The following SYNJ2 variants were observed in gnomAD, a reference collection of about 807,000 sequenced individuals.
The protein encoded by SYNJ2 is polyphosphatidylinositol phosphatase SYNJ2.
A neutral mutation model predicts 141.3 loss-of-function variants in SYNJ2; 116 were observed. The ratio of observed to expected loss-of-function variants is 0.82; its 90% CI spans 0.71 to 0.96. The LOEUF (loss-of-function observed/expected upper bound fraction) is 0.96. SYNJ2 is among the 40% of genes least tolerant of loss of function. The probability of loss-of-function intolerance (pLI) is 0.00; values close to 1 mark genes in which losing one functional copy is unlikely to be tolerated. For synonymous variants in SYNJ2, 745 were observed against 777.7 expected, an observed-to-expected ratio of 0.96 and a Z score of 0.70; for missense variants, 1,873 against 1,934.8, an observed-to-expected ratio of 0.97 and a Z score of 0.60.
intron 2 of SYNJ2, among the ~76,000 whole-genome samples, chr6:158,022,312 G>C (rs1778820042): frequency 6.6e-6 from 1 of 152,216 alleles, no homozygotes; most frequent in Non-Finnish European, 1.5e-5. Flanking sequence ...TCAGAGCTGA[G>C]ACAACACAAG....
At chr6:158,088,033 AATTTTTTTTTTTTTTTTTTTTTTTTTT>A (rs1783185674) in intron 23 of SYNJ2, among the ~76,000 whole-genome samples, 5 of 36,816 alleles carry the variant, frequency 1.4e-4, no homozygotes, top group Admixed American at 1.1e-3. Flanking sequence ...CCTGCTTTGG[AATTTTTTTTTTTTTTTTTTTTTTTTTT>A]TTTTTTTTTT....
At chr6:157,985,204 A>G (rs1027862485) in intron 1 of SYNJ2, among the ~76,000 whole-genome samples, 12 of 152,366 alleles carry the variant, frequency 7.9e-5, no homozygotes, top group Non-Finnish European at 1.3e-4. Flanking sequence ...CGGATGGTCC[A>G]TGATTCGTTG....
chr6:158,024,985 A>G (rs1205915781), intron 2 of SYNJ2, among the ~76,000 whole-genome samples: 1 of 152,226 alleles, frequency 6.6e-6, no homozygotes, highest in Admixed American at 6.5e-5. Flanking sequence ...CTTCAATGGC[A>G]GTTTTAAAAT....
At chr6:158,026,045 A>T (rs1301553836) in intron 2 of SYNJ2, among the ~76,000 whole-genome samples, 1 of 152,142 alleles carries the variant, frequency 6.6e-6, no homozygotes, top group African/African-American at 2.4e-5. Flanking sequence ...CCGATTGGAA[A>T]CTGCCGGACT....
chr6:158,061,117 C>T (rs1342911325), intron 7 of SYNJ2, among the ~76,000 whole-genome samples: 1 of 152,238 alleles, frequency 6.6e-6, no homozygotes, highest in Admixed American at 6.5e-5. Context: ...TTGATTTACA[C>T]TCAGACCTAT....
rs963370247 is a variant in SYNJ2, at chr6:158,017,202, A to G, written c.128-2A>G. On this transcript the variant is annotated splice_acceptor_variant, in intron 1 of 26. Coordinates refer to ENST00000355585, the MANE Select transcript of SYNJ2 (RefSeq NM_003898.4). LOFTEE classifies it high-confidence loss of function. ...GCCTTCTGTGATGTGTTTCTTCCCCAGCTCCAGAAGAAAAGGAAGTCATTA... is the reference window on the plus strand; with the variant it reads ...GCCTTCTGTGATGTGTTTCTTCCCCGGCTCCAGAAGAAAAGGAAGTCATTA... 19 of 1,612,950 alleles carry G rather than the reference A, an allele frequency of 1.2e-5. No individual in the cohort carries two copies. The highest frequency in any genetic ancestry group is 1.6e-5 in the Non-Finnish European group (19 of 1,179,578).
chr6:158,073,229 A>G (rs9356347), intron 15 of SYNJ2, among the ~76,000 whole-genome samples: 108,030 of 151,926 alleles, frequency 0.71, 38,669 homozygotes, highest in East Asian at 0.88. Flanking sequence ...AGACAGTCTC[A>G]CTCTGCCACC....
At chr6:158,038,005 G>A (rs1779732493) in intron 4 of SYNJ2, among the ~76,000 whole-genome samples, 1 of 152,246 alleles carries the variant, frequency 6.6e-6, no homozygotes, top group African/African-American at 2.4e-5. Context: ...TGTCTCCTGT[G>A]TTGCCAGCCT....
chr6:158,076,751 G>A lies in SYNJ2; in HGVS notation c.2418G>A (p.Trp806Ter), dbSNP rs1782320865. Residue 806 changes from tryptophan (W) to a stop codon, truncating the protein, a stop_gained, in exon 17 of 27, where the codon TGG (tryptophan) becomes TGA (stop). Coordinates refer to ENST00000355585, the MANE Select transcript of SYNJ2 (RefSeq NM_003898.4). LOFTEE classifies it high-confidence loss of function. ...RTPAWTDRVL[W>*]WRKKHPFDKT... ...CCGCCTGGACAGACAGGGTGCTGTG[G>A]TGGAGGAAGAAACATCCCTTTGATA... The A allele has an allele frequency of 6.2e-7, 1 of 1,613,654 alleles. No individual in the cohort carries two copies. The highest frequency in any genetic ancestry group is 1.3e-5 in the African/African-American group (1 of 74,898).
At chr6:158,016,968 C>A in intron 1 of SYNJ2, 1 of 1,215,742 alleles carries the variant, frequency 8.2e-7, no homozygotes. Context: ...CCTCCAGCCC[C>A]CAGGAAGCTG....
chr6:158,077,909 A>G lies in SYNJ2; in HGVS notation c.2450-255A>G, dbSNP rs1583479176. The G allele has an allele frequency of 1.5e-5, 4 of 272,762 alleles. No individual in the cohort carries two copies. In the South Asian group the frequency reaches 1.5e-4, roughly 10 times the overall value. 16.9% of individuals were successfully genotyped at this position (272,762 alleles called of 1,614,324 possible). A position where few individuals can be genotyped will look rare whatever the true frequency, so the allele number is the denominator to read the frequency against. ...AAACCCGGCAGCAACACTGTGTCTC[A>G]AGCCTACAGTGGGCATGCTGGCGAG... is the stretch of plus-strand genomic sequence containing the variant. On this transcript the variant is annotated intron_variant, in intron 17 of 26. Transcript: ENST00000355585.
rs1253181362 is a variant in SYNJ2, at chr6:158,070,780, G to A, written c.1941-822G>A. Among the ~76,000 whole-genome samples, 1 of 152,196 alleles carries A rather than the reference G, an allele frequency of 6.6e-6. No individual in the cohort carries two copies. Among genetic ancestry groups the A allele is most frequent in the South Asian group, 2.1e-4 (1 of 4,830 alleles). ...AGCCCATGTTTCTATGGACTCGTATGCGTCATAAGTGGGCATTTGAATGCA... is the reference window on the plus strand; with the variant it reads ...AGCCCATGTTTCTATGGACTCGTATACGTCATAAGTGGGCATTTGAATGCA... On this transcript the variant is annotated intron_variant, in intron 14 of 26. Transcript: ENST00000355585. The surrounding 1 kb of genome is among the most constrained non-coding windows in gnomAD (Gnocchi z 4.0).
chr6:158,041,368 G>C (rs934592117), intron 4 of SYNJ2, among the ~76,000 whole-genome samples: 1 of 152,194 alleles, frequency 6.6e-6, no homozygotes, highest in Non-Finnish European at 1.5e-5. Context: ...AAAGTTGTTC[G>C]CCCAGAATGG....
At position 158,097,673 on chromosome 6, in the gene SYNJ2, A is replaced by T. The variant is rs1199096297; in HGVS notation, c.*1309A>T. ...GCTGACTGCTAGGATAGTAAGGATC[A>T]TCTTGCCTGGGCTATGCCACTGTCT... is the stretch of plus-strand genomic sequence containing the variant. On this transcript the variant is annotated 3_prime_UTR_variant, in exon 27 of 27. Transcript: ENST00000355585. The T allele has an allele frequency of 3.3e-5, 5 of 152,214 alleles. No homozygotes were observed. The highest frequency in any genetic ancestry group is 7.3e-5 in the Non-Finnish European group (5 of 68,042). 9.4% of individuals were successfully genotyped at this position (152,214 alleles called of 1,614,324 possible). A position where few individuals can be genotyped will look rare whatever the true frequency, so the allele number is the denominator to read the frequency against.
intron 13 of SYNJ2, 118 bp from the exon 14 acceptor site, chr6:158,069,415 C>T (rs551349199): frequency 3.6e-5 from 45 of 1,264,118 alleles, no homozygotes; most frequent in Admixed American, 9.3e-5. Context: ...TATTGGGGTG[C>T]GGGCAGCGTG....
chr6:158,069,997 A>G, intron 14 of SYNJ2: 3 of 457,216 alleles, frequency 6.6e-6, no homozygotes, highest in Non-Finnish European at 9.0e-6. Flanking sequence ...GAAACCTCTG[A>G]CCAAGAGCTG....
chr6:158,056,726 T>C (rs906066580), intron 6 of SYNJ2, among the ~76,000 whole-genome samples: 2 of 152,208 alleles, frequency 1.3e-5, no homozygotes, highest in Admixed American at 6.5e-5. Flanking sequence ...ATCACTGCGC[T>C]CTCAAGAGTC....
Position 157,982,111 on chromosome 6 carries a change from G to A in SYNJ2, c.127+23G>A. On this transcript the variant is annotated intron_variant, in intron 1 of 26. Transcript: ENST00000355585. This position sits in a 1 kb window ranked among gnomAD's most constrained non-coding sequence, Gnocchi z 4.0. Reference sequence around the variant, plus strand: ...TGGGTGAGTCCGGGCCGGGGGCAGCGACGCCCGGAGGAGAGGGCGCCCGCA... The same window carrying A: ...TGGGTGAGTCCGGGCCGGGGGCAGCAACGCCCGGAGGAGAGGGCGCCCGCA... 4.6e-6 allele frequency: 6 copies of A among 1,298,880 alleles called. No individual in the cohort carries two copies. Among genetic ancestry groups the A allele is most frequent in the Non-Finnish European group, 5.9e-6 (6 of 1,023,420 alleles). The allele number at this position is 1,298,880 out of a possible 1,614,324, so 80.5% of individuals were successfully genotyped here.
At chr6:157,981,455 CTCG>C (rs775287612), upstream of SYNJ2, among the ~76,000 whole-genome samples, 26 of 152,242 alleles carry the variant, frequency 1.7e-4, no homozygotes, top group Admixed American at 1.3e-4. The surrounding 1 kb of genome is among the most constrained non-coding windows in gnomAD (Gnocchi z 6.4). Context: ...GTCGAAAGGA[CTCG>C]TCCAGGGTCG....
Sources: gnomAD v4.1 joint callset for allele counts (sites outside exome capture counted in the v4.1 genomes callset) on GRCh38, gnomAD v4.1.1 for gene constraint, Gnocchi (gnomAD v3.1) non-coding constraint, MANE v1.5 for transcripts, NCBI Gene and HGNC (gene_info 2026-07-23, HGNC 2026-07-21) for gene names.